The following ACVR1C variants were observed in gnomAD, a reference collection of about 807,000 sequenced individuals.
ACVR1C encodes the protein activin A receptor type 1C, also known as activin receptor type-1C.
A neutral mutation model predicts 57.9 loss-of-function variants in ACVR1C; 23 were observed. The observed-to-expected ratio is 0.40, with a 90% confidence interval of 0.29 to 0.56. ACVR1C has a LOEUF of 0.56. ACVR1C is among the 20% of genes least tolerant of loss of function. The pLI is 0.50. For synonymous variants in ACVR1C, 214 were observed against 215.3 expected, an observed-to-expected ratio of 0.99 and a Z score of 0.05; for missense variants, 480 against 607.9, an observed-to-expected ratio of 0.79 and a Z score of 2.21.
chr2:157,554,201 G>GAGAAAGAAAGAAAGAGAGAA (rs1687998050), intron 3 of ACVR1C, among the ~76,000 whole-genome samples: 1 of 41,440 alleles, frequency 2.4e-5, no homozygotes. Flanking sequence ...ATAAAGAAGA[G>GAGAAAGAAAGAAAGAGAGAA]AGAAAGAAAG....
chr2:157,602,554 T>C (rs368466516), intron 1 of ACVR1C, among the ~76,000 whole-genome samples: 7 of 152,312 alleles, frequency 4.6e-5, no homozygotes, highest in African/African-American at 1.7e-4. Flanking sequence ...GTATTTCTAC[T>C]TCTACATGAA....
chr2:157,600,017 C>T (rs1269786059), intron 1 of ACVR1C, among the ~76,000 whole-genome samples: 2 of 152,086 alleles, frequency 1.3e-5, no homozygotes, highest in South Asian at 2.1e-4. Context: ...TCAGTTGTAA[C>T]GTTCTATAAC....
chr2:157,551,862 C>G (rs1687932061), intron 3 of ACVR1C, among the ~76,000 whole-genome samples: 1 of 152,168 alleles, frequency 6.6e-6, no homozygotes, highest in African/African-American at 2.4e-5. Context: ...CATATAAGCA[C>G]AGGCTAAATA....
chr2:157,575,240 TG>T (rs2105244461), intron 2 of ACVR1C, among the ~76,000 whole-genome samples: 1 of 151,640 alleles, frequency 6.6e-6, no homozygotes, highest in African/African-American at 2.4e-5. Flanking sequence ...GCGATTCTCC[TG>T]TCTCAGCCTC....
At chr2:157,618,776 T>C (rs1226976740) in intron 1 of ACVR1C, among the ~76,000 whole-genome samples, 6 of 151,776 alleles carry the variant, frequency 4.0e-5, no homozygotes, top group Non-Finnish European at 7.4e-5. Context: ...AAGATAAGCA[T>C]GTCATAATAA....
chr2:157,555,003 AAAAAATAAAAAATAAAAAT>A (rs1279550164), intron 3 of ACVR1C, among the ~76,000 whole-genome samples: 1 of 151,924 alleles, frequency 6.6e-6, no homozygotes. Context: ...CCAAAAGATA[AAAAAATAAAAAATAAAAAT>A]AAAAATAAAA....
chr2:157,548,049 C>G (rs1687813220), intron 4 of ACVR1C, among the ~76,000 whole-genome samples: 1 of 152,058 alleles, frequency 6.6e-6, no homozygotes, highest in African/African-American at 2.4e-5. Context: ...AGCCCAAAAT[C>G]TCCTTAAGCT....
chr2:157,609,229 TG>T (rs1682475888), intron 1 of ACVR1C, among the ~76,000 whole-genome samples: 1 of 151,956 alleles, frequency 6.6e-6, no homozygotes, highest in Admixed American at 6.6e-5. Flanking sequence ...CTTGACTCAA[TG>T]GTTGTTTAGG....
At position 157,622,907 on chromosome 2, in the gene ACVR1C, T is replaced by C. The variant is rs142961292; in HGVS notation, c.73+5665A>G. Among the ~76,000 whole-genome samples, 932 of 152,106 alleles carry C rather than the reference T, an allele frequency of 6.1e-3. 10 individuals are homozygous for C. The highest frequency in any genetic ancestry group is 0.021 in the African/African-American group (853 of 41,516). On this transcript the variant is annotated intron_variant, in intron 1 of 8. Transcript: ENST00000243349. ...TATATAAGGAGCTAAAATAACACTGTAGGGAAAAAAAATCTAATAATCCAA... is the reference window on the plus strand; with the variant it reads ...TATATAAGGAGCTAAAATAACACTGCAGGGAAAAAAAATCTAATAATCCAA...
chr2:157,557,682 G>T (rs1688137062), intron 2 of ACVR1C, among the ~76,000 whole-genome samples: 1 of 151,938 alleles, frequency 6.6e-6, no homozygotes, highest in Non-Finnish European at 1.5e-5. Flanking sequence ...TTCTACTAGT[G>T]GTATTCCTAT....
rs1313962716 is a variant in ACVR1C, at chr2:157,538,459, C to T, written c.1356+114G>A. ...ATCCTTCTGAAGACTTATAAAAAGA[C>T]GTATGTCTACATATATGGAATGAAT... On this transcript the variant is annotated intron_variant, in intron 8 of 8. Coordinates refer to ENST00000243349, the MANE Select transcript of ACVR1C (RefSeq NM_145259.3). 14 of 1,016,042 alleles carry T rather than the reference C, an allele frequency of 1.4e-5. No homozygotes were observed. In the Admixed American group the frequency reaches 1.9e-4, roughly 14 times the overall value. The allele number at this position is 1,016,042 out of a possible 1,614,324, so 62.9% of individuals were successfully genotyped here.
Position 157,530,818 on chromosome 2 carries a change from A to G in ACVR1C, c.*3100T>C, listed in dbSNP as rs1182310130. On this transcript the variant is annotated 3_prime_UTR_variant, in exon 9 of 9. Transcript: ENST00000243349. ...AAATATTTTAGACATAGAAGAAAGC[A>G]TACAACAGAATCTGTACCAATTACA... 1 of 152,152 alleles carries G rather than the reference A, an allele frequency of 6.6e-6. No homozygotes were observed. The highest frequency in any genetic ancestry group is 1.5e-5 in the Non-Finnish European group (1 of 67,992). 9.4% of individuals were successfully genotyped at this position (152,152 alleles called of 1,614,324 possible). A position where few individuals can be genotyped will look rare whatever the true frequency, so the allele number is the denominator to read the frequency against.
chr2:157,538,602 T>A lies in ACVR1C; in HGVS notation c.1327A>T (p.Ser443Cys). The part of the protein sequence containing the change: ...KVVCDQKFRP[S>C]IPNQWQSCEA... The stretch of plus-strand genomic sequence containing the variant: ...CAACTTTGCCACTGGTTTGGGATAC[T>A]TGGTCGAAACTTCTGGTCACAAACA... Residue 443 changes from serine to cysteine, a missense_variant, in exon 8 of 9, where the codon AGT (serine) becomes TGT (cysteine). By Grantham distance (112) the Ser-to-Cys change is moderately radical. Transcript: ENST00000243349. 1 of 1,579,314 alleles carries A rather than the reference T, an allele frequency of 6.3e-7. No individual in the cohort carries two copies. Among genetic ancestry groups the A allele is most frequent in the Non-Finnish European group, 8.6e-7 (1 of 1,163,572 alleles).
At position 157,533,949 on chromosome 2, in the gene ACVR1C, T is replaced by C; in HGVS notation, c.1451A>G (p.Gln484Arg). Residue 484 changes from glutamine (Q) to arginine (R), a missense_variant, in exon 9 of 9, where the codon CAA becomes CGA. Gln to Arg is a conservative substitution (Grantham distance 43). Coordinates refer to ENST00000243349, the MANE Select transcript of ACVR1C (RefSeq NM_145259.3). ...TALRIKKTIS[Q>R]LCVKEDCKA The stretch of plus-strand genomic sequence containing the variant: ...TTTGCAGTCTTCTTTGACACAAAGT[T>C]GAGATATAGTCTTCTTAATACGAAG... 1 of 1,589,684 alleles carries C rather than the reference T, an allele frequency of 6.3e-7. No individual in the cohort carries two copies. The highest frequency in any genetic ancestry group is 8.5e-7 in the Non-Finnish European group (1 of 1,170,754).
At chr2:157,624,055 C>T (rs1459482524) in intron 1 of ACVR1C, among the ~76,000 whole-genome samples, 1 of 152,070 alleles carries the variant, frequency 6.6e-6, no homozygotes, top group East Asian at 1.9e-4. Context: ...TATATGTCAA[C>T]ATAATCTGAG....
rs1377067945 is a variant in ACVR1C, at chr2:157,529,807, A to G, written c.*4111T>C. The stretch of plus-strand genomic sequence containing the variant: ...GAAATATAAAGCAAGGCTAGATGAA[A>G]AAAAGAAAGTCAAATATCTATATAT... On this transcript the variant is annotated 3_prime_UTR_variant, in exon 9 of 9. Coordinates refer to ENST00000243349, the MANE Select transcript of ACVR1C (RefSeq NM_145259.3). 1 of 152,122 alleles carries G rather than the reference A, an allele frequency of 6.6e-6. No individual in the cohort carries two copies. The highest frequency in any genetic ancestry group is 1.5e-5 in the Non-Finnish European group (1 of 67,982). The allele number at this position is 152,122 out of a possible 1,614,324, so 9.4% of individuals were successfully genotyped here.
rs1191657843 is a variant in ACVR1C, at chr2:157,587,433, C to T, written c.74-16G>A. On this transcript the variant is annotated splice_polypyrimidine_tract_variant and intron_variant, in intron 1 of 8. Transcript: ENST00000243349. ...CACTTCAGTCCTGGAAAGAGTAAGG[C>T]AAAAAGATTTAAAATACAAAAGACA... The T allele has an allele frequency of 1.3e-6, 2 of 1,556,970 alleles. No homozygotes were observed. Among genetic ancestry groups the T allele is most frequent in the Admixed American group, 1.7e-5 (1 of 59,186 alleles).
chr2:157,565,612 A>G (rs1688349941), intron 2 of ACVR1C, among the ~76,000 whole-genome samples: 1 of 152,222 alleles, frequency 6.6e-6, no homozygotes, highest in Non-Finnish European at 1.5e-5. Context: ...TCAAGCCATG[A>G]TAGAGGCAGA....
chr2:157,582,638 C>G (rs1406767523), intron 2 of ACVR1C, among the ~76,000 whole-genome samples: 1 of 152,094 alleles, frequency 6.6e-6, no homozygotes, highest in Non-Finnish European at 1.5e-5. Context: ...AGAATGAATG[C>G]ACTCCTCCTA....
Sources: gnomAD v4.1 joint callset for allele counts (sites outside exome capture counted in the v4.1 genomes callset) on GRCh38, gnomAD v4.1.1 for gene constraint, MANE v1.5 for transcripts, NCBI Gene and HGNC (gene_info 2026-07-23, HGNC 2026-07-21) for gene names.